Variants in PCDH15 observed in about 807,000 individuals in gnomAD.
The protein encoded by PCDH15 is protocadherin related 15, also known as protocadherin-15.
A neutral mutation model predicts 178.5 loss-of-function variants in PCDH15; 129 were observed. The ratio of observed to expected loss-of-function variants is 0.72; its 90% CI spans 0.63 to 0.84. PCDH15 has a LOEUF of 0.84. Ranked by LOEUF, PCDH15 falls within the 40% of genes least tolerant of loss-of-function variation. The probability of loss-of-function intolerance (pLI) is 0.00; values close to 1 mark genes in which losing one functional copy is unlikely to be tolerated. For synonymous variants in PCDH15, 800 were observed against 732.0 expected (o/e 1.09, Z -1.50); for missense variants, 2,230 against 2,099.9 (o/e 1.06, Z -1.21).
intron 2 of PCDH15, among the ~76,000 whole-genome samples, chr10:55,092,078 C>T (rs1842333091): frequency 6.6e-6 from 1 of 151,782 alleles, no homozygotes; most frequent in African/African-American, 2.4e-5. Context: ...AGAAAATGTT[C>T]CATTGTAAAT....
At chr10:55,409,487 C>T (rs34830009) in intron 2 of PCDH15, among the ~76,000 whole-genome samples, 5 of 151,906 alleles carry the variant, frequency 3.3e-5, no homozygotes, top group Admixed American at 6.6e-5. Flanking sequence ...ACTTGAAATA[C>T]TTCAGTGGGC....
intron 1 of PCDH15, among the ~76,000 whole-genome samples, chr10:55,248,636 C>G (rs1320695957): frequency 6.6e-6 from 1 of 152,134 alleles, no homozygotes; most frequent in Non-Finnish European, 1.5e-5. Flanking sequence ...AGTGGCCTCC[C>G]TGCAACCTCC....
chr10:54,714,840 T>C (rs2095461623), intron 1 of PCDH15, among the ~76,000 whole-genome samples: 1 of 152,152 alleles, frequency 6.6e-6, no homozygotes, highest in Non-Finnish European at 1.5e-5. Flanking sequence ...TTCTATTCAC[T>C]TAATGTTATA....
chr10:55,582,592 ATG>A (rs1190225607), intron 2 of PCDH15, among the ~76,000 whole-genome samples: 2 of 94,392 alleles, frequency 2.1e-5, no homozygotes, highest in African/African-American at 8.4e-5. Flanking sequence ...CTGTATGTGT[ATG>A]TGTATATATA....
chr10:54,309,062 C>T (rs938998756), intron 8 of PCDH15, among the ~76,000 whole-genome samples: 4 of 152,008 alleles, frequency 2.6e-5, no homozygotes, highest in African/African-American at 7.2e-5. Flanking sequence ...TTGCTGGCCC[C>T]AAAACATATC....
chr10:55,564,461 C>T (rs986599235), intron 2 of PCDH15, among the ~76,000 whole-genome samples: 2 of 151,572 alleles, frequency 1.3e-5, no homozygotes, highest in South Asian at 4.1e-4. Context: ...AAAAAAGCTA[C>T]AAGGCATCTA....
chr10:53,831,158 T>C (rs763996645), intron 30 of PCDH15, 157 bp downstream of exon 30: 2 of 809,272 alleles, frequency 2.5e-6, no homozygotes, highest in South Asian at 2.7e-5. Context: ...GTTTTCCTTT[T>C]GAAGAAAATC....
chr10:54,983,716 G>A (rs1002978243), intron 2 of PCDH15, among the ~76,000 whole-genome samples: 1 of 152,078 alleles, frequency 6.6e-6, no homozygotes, highest in Non-Finnish European at 1.5e-5. Flanking sequence ...ATTAATGATG[G>A]CTGGTGTTGA....
intron 25 of PCDH15, among the ~76,000 whole-genome samples, chr10:53,904,300 T>A (rs537824985): frequency 8.1e-4 from 124 of 152,330 alleles, no homozygotes; most frequent in African/African-American, 2.7e-3. Context: ...TACATACTAT[T>A]TATCAAGGAT....
At chr10:55,626,237 C>T (rs2132177363) in intron 2 of PCDH15, among the ~76,000 whole-genome samples, 1 of 152,192 alleles carries the variant, frequency 6.6e-6, no homozygotes, top group African/African-American at 2.4e-5. Context: ...GTTCCAGATT[C>T]CACTAGTTGC....
At chr10:55,503,513 A>AT (rs1044757614) in intron 2 of PCDH15, among the ~76,000 whole-genome samples, 2 of 150,906 alleles carry the variant, frequency 1.3e-5, no homozygotes, top group African/African-American at 4.8e-5. Context: ...GAAGTCTTAG[A>AT]TTTTCATACA....
chr10:54,108,421 G>A (rs2094955596), intron 15 of PCDH15, among the ~76,000 whole-genome samples: 2 of 152,134 alleles, frequency 1.3e-5, no homozygotes, highest in African/African-American at 4.8e-5. Context: ...GCTGATGCCG[G>A]CTCACAGAAG....
chr10:54,894,874 A>T (rs1183184185), intron 3 of PCDH15, among the ~76,000 whole-genome samples: 2 of 152,166 alleles, frequency 1.3e-5, no homozygotes, highest in African/African-American at 4.8e-5. Context: ...GCACTGATTA[A>T]AAGAACTGAA....
At chr10:55,230,231 T>A (rs1386378647) in intron 1 of PCDH15, among the ~76,000 whole-genome samples, 3 of 152,078 alleles carry the variant, frequency 2.0e-5, no homozygotes, top group Non-Finnish European at 2.9e-5. Context: ...GTTATTAATT[T>A]TTTTAAATTT....
At chr10:54,782,609 A>G (rs1259151603) in intron 1 of PCDH15, among the ~76,000 whole-genome samples, 1 of 152,032 alleles carries the variant, frequency 6.6e-6, no homozygotes, top group Non-Finnish European at 1.5e-5. Flanking sequence ...TTTTGCTAAT[A>G]TCTTTGGTGC....
intron 1 of PCDH15, among the ~76,000 whole-genome samples, chr10:54,785,233 T>C (rs1304071318): frequency 6.6e-6 from 1 of 152,080 alleles, no homozygotes; most frequent in East Asian, 1.9e-4. Context: ...AAAATAACTT[T>C]ATTTTTTTCT....
chr10:54,689,441 T>C (rs1341702199), intron 1 of PCDH15, among the ~76,000 whole-genome samples: 2 of 152,160 alleles, frequency 1.3e-5, no homozygotes, highest in Non-Finnish European at 2.9e-5. Flanking sequence ...TTGAATGTTA[T>C]ATAAAATGGT....
chr10:54,293,281 T>G (rs1384340155), intron 8 of PCDH15, among the ~76,000 whole-genome samples: 1 of 152,188 alleles, frequency 6.6e-6, no homozygotes, highest in Non-Finnish European at 1.5e-5. Flanking sequence ...AGGCTGAAAC[T>G]GGATCCCTTC....
In PCDH15 at chr10:54,645,171, A is replaced by T. The variant is rs567951970; in HGVS notation, c.91+19001T>A. Reference sequence around the variant, plus strand: ...AAAGATGCATTTCTTGCTATTTTAAAATTTGTAGGTTGGCATGTCTGTGTA... The same window carrying T: ...AAAGATGCATTTCTTGCTATTTTAATATTTGTAGGTTGGCATGTCTGTGTA... On this transcript the variant is annotated intron_variant, in intron 2 of 37. Coordinates refer to ENST00000644397, the MANE Select transcript of PCDH15 (RefSeq NM_001384140.1). 5.1e-4 allele frequency among the ~76,000 whole-genome samples: 77 copies of T among 152,262 alleles called. 1 individual carries two copies. Among genetic ancestry groups the T allele is most frequent in the African/African-American group, 1.8e-3 (74 of 41,562 alleles).
Sources: gnomAD v4.1 joint callset for allele counts (sites outside exome capture counted in the v4.1 genomes callset) on GRCh38, gnomAD v4.1.1 for gene constraint, MANE v1.5 for transcripts, NCBI Gene and HGNC (gene_info 2026-07-23, HGNC 2026-07-21) for gene names.